Variants in PACS1 observed in about 807,000 individuals in gnomAD.
PACS1 encodes phosphofurin acidic cluster sorting protein 1, also known as PACS-1.
In PACS1, 24 loss-of-function variants were observed where a neutral mutation model predicts 115.0. The observed-to-expected ratio is 0.21, with a 90% CI of 0.15 to 0.29. The LOEUF (loss-of-function observed/expected upper bound fraction) is 0.29. Among genes scored for constraint, PACS1 ranks in the 10% least tolerant of loss-of-function variants. The pLI is 1.00. For synonymous variants in PACS1, 453 were observed against 504.5 expected (o/e 0.90, Z 1.37); for missense variants, 838 against 1,251.2 (o/e 0.67, Z 4.98).
intron 7 of PACS1, among the ~76,000 whole-genome samples, chr11:66,219,291 C>T (rs972592009): frequency 8.6e-5 from 13 of 151,668 alleles, no homozygotes; most frequent in Admixed American, 3.3e-4. Context: ...AGACTCCAGG[C>T]GTAGATGTTG....
At chr11:66,203,972 T>G (rs769850613) in intron 2 of PACS1, among the ~76,000 whole-genome samples, 28 of 152,158 alleles carry the variant, frequency 1.8e-4, no homozygotes, top group Non-Finnish European at 2.9e-5. Context: ...TTGGGGAAAC[T>G]CTCCAGGAAA....
intron 10 of PACS1, among the ~76,000 whole-genome samples, chr11:66,224,094 G>A (rs904982050): frequency 6.6e-6 from 1 of 151,892 alleles, no homozygotes; most frequent in Non-Finnish European, 1.5e-5. Flanking sequence ...CTACTCGCGT[G>A]GCTGAGGCAG....
At chr11:66,230,757 T>G (rs763535616) in intron 12 of PACS1, 48 bp from the exon 13 acceptor site, 136 of 1,613,364 alleles carry the variant, frequency 8.4e-5, no homozygotes, top group Non-Finnish European at 1.1e-4. Flanking sequence ...GCAGCAGCTT[T>G]GGGGTTGGAG....
chr11:66,228,783 C>T (rs1590835217), intron 11 of PACS1, among the ~76,000 whole-genome samples: 1 of 152,156 alleles, frequency 6.6e-6, no homozygotes, highest in Non-Finnish European at 1.5e-5. Flanking sequence ...AATGCTGGAA[C>T]GTTCTGTCTT....
intron 1 of PACS1, among the ~76,000 whole-genome samples, chr11:66,172,735 T>C (rs900075457): frequency 6.6e-6 from 1 of 152,120 alleles, no homozygotes; most frequent in African/African-American, 2.4e-5. Context: ...CTCAGCACTT[T>C]GGGAGGCCGA....
At position 66,225,002 on chromosome 11, in the gene PACS1, G is replaced by C. The variant is rs1312673951; in HGVS notation, c.1294-2502G>C. Among the ~76,000 whole-genome samples the C allele has an allele frequency of 2.0e-5, 3 of 152,158 alleles. No individual in the cohort carries two copies. The East Asian group carries it at 5.8e-4, about 29-fold the overall frequency. The stretch of plus-strand genomic sequence containing the variant: ...CAGTTGTTGAATTTTCCCAAGGCTT[G>C]AGCACACAATGGCAACATAATTTGG... On this transcript the variant is annotated intron_variant, in intron 10 of 23. Transcript: ENST00000320580.
chr11:66,203,457 C>G (rs973762559), intron 2 of PACS1, among the ~76,000 whole-genome samples: 1 of 150,816 alleles, frequency 6.6e-6, no homozygotes, highest in Admixed American at 6.7e-5. Context: ...AATGCAATCC[C>G]TATCAAAATA....
chr11:66,076,842 A>T (rs541295190), intron 1 of PACS1, among the ~76,000 whole-genome samples: 2 of 152,234 alleles, frequency 1.3e-5, no homozygotes, highest in Non-Finnish European at 2.9e-5. Flanking sequence ...TGATTTGCCA[A>T]CGTTGGTCTT....
At chr11:66,228,496 C>T (rs1172000508) in intron 11 of PACS1, among the ~76,000 whole-genome samples, 4 of 152,194 alleles carry the variant, frequency 2.6e-5, no homozygotes, top group Non-Finnish European at 5.9e-5. Context: ...CTACTTCCAC[C>T]GTGGCCCCAC....
chr11:66,128,836 A>T (rs1349592812), intron 1 of PACS1, among the ~76,000 whole-genome samples: 1 of 151,314 alleles, frequency 6.6e-6, no homozygotes, highest in African/African-American at 2.4e-5. Flanking sequence ...GTGAGCCGAG[A>T]TCGTGCCACT....
At chr11:66,096,203 T>C (rs1347517997) in intron 1 of PACS1, among the ~76,000 whole-genome samples, 1 of 128,108 alleles carries the variant, frequency 7.8e-6, no homozygotes, top group Admixed American at 8.5e-5. Flanking sequence ...TTTTATCTTT[T>C]TCTTTCTTTT....
chr11:66,242,204 C>T (rs886682506), intron 22 of PACS1, among the ~76,000 whole-genome samples: 18 of 152,182 alleles, frequency 1.2e-4, no homozygotes, highest in African/African-American at 3.6e-4. Context: ...ACCCCCATGG[C>T]TGGGCCAGTG....
intron 1 of PACS1, among the ~76,000 whole-genome samples, chr11:66,174,483 C>T (rs753029693): frequency 2.2e-4 from 34 of 152,200 alleles, no homozygotes; most frequent in Non-Finnish European, 4.6e-4. Flanking sequence ...ATGTTCATAA[C>T]ATCATTATTC....
intron 2 of PACS1, among the ~76,000 whole-genome samples, chr11:66,200,693 C>A (rs1317910133): frequency 6.6e-6 from 1 of 152,090 alleles, no homozygotes; most frequent in Non-Finnish European, 1.5e-5. Flanking sequence ...GACCCCATTA[C>A]AACAATAGCT....
At position 66,243,215 on chromosome 11, in the gene PACS1, G is replaced by A. The variant is rs1380168663; in HGVS notation, c.2827G>A (p.Ala943Thr). ...TGACATCAAGTTCTTCCAGCTGGCA[G>A]CCCAGTGGCCCACCCATGTCAAGCA... The part of the protein sequence containing the change: ...WSDIKFFQLA[A>T]QWPTHVKHFP... The change falls in exon 24 of 24, where the codon GCC (alanine) becomes ACC (threonine). Residue 943 changes from alanine to threonine, a missense_variant. By Grantham distance (58) the Ala-to-Thr change is moderately conservative (BLOSUM62 0). Coordinates refer to ENST00000320580, the MANE Select transcript of PACS1 (RefSeq NM_018026.4). The A allele has an allele frequency of 6.2e-7, 1 of 1,613,368 alleles. No homozygotes were observed. Among genetic ancestry groups the A allele is most frequent in the Non-Finnish European group, 8.5e-7 (1 of 1,179,682 alleles).
chr11:66,236,649 G>A lies in PACS1; in HGVS notation c.2250+709G>A, dbSNP rs1390815939. 6.6e-6 allele frequency among the ~76,000 whole-genome samples: 1 copy of A among 152,230 alleles called. No individual in the cohort carries two copies. Among genetic ancestry groups the A allele is most frequent in the Admixed American group, 6.5e-5 (1 of 15,286 alleles). On this transcript the variant is annotated intron_variant, in intron 19 of 23. Transcript: ENST00000320580. This position sits in a 1 kb window ranked among gnomAD's most constrained non-coding sequence, Gnocchi z 4.2. The stretch of plus-strand genomic sequence containing the variant: ...CTGACCTAGGGAGGGGTCCGGGGGA[G>A]CTGTGCAGTCCTGCCAGAGGCCAGA...
intron 1 of PACS1, among the ~76,000 whole-genome samples, chr11:66,174,012 A>G (rs1432262612): frequency 2.0e-5 from 3 of 152,242 alleles, no homozygotes; most frequent in South Asian, 2.1e-4. Flanking sequence ...AGATCGTGCC[A>G]TTGCACTCCA....
At chr11:66,113,789 T>C (rs1401374668) in intron 1 of PACS1, among the ~76,000 whole-genome samples, 1 of 152,214 alleles carries the variant, frequency 6.6e-6, no homozygotes, top group Non-Finnish European at 1.5e-5. Context: ...CTTTATTTAG[T>C]ATCAAGTCTA....
At chr11:66,142,599 C>T (rs892055936) in intron 1 of PACS1, among the ~76,000 whole-genome samples, 4 of 143,694 alleles carry the variant, frequency 2.8e-5, no homozygotes, top group African/African-American at 1.1e-4. Context: ...TGAGGCACTG[C>T]GTCTGGCTTA....
Sources: allele counts gnomAD v4.1 joint callset (sites outside exome capture counted in the v4.1 genomes callset), GRCh38; gene constraint gnomAD v4.1.1; non-coding constraint Gnocchi (gnomAD v3.1); transcripts MANE v1.5; gene names NCBI Gene and HGNC (gene_info 2026-07-23, HGNC 2026-07-21).